The following ABHD12 variants were observed in gnomAD, a reference collection of about 807,000 sequenced individuals.
ABHD12 encodes lysophosphatidylserine lipase ABHD12.
Under a neutral mutation model 58.3 loss-of-function variants are expected in ABHD12, and 43 were observed. The ratio of observed to expected loss-of-function variants is 0.74; its 90% CI spans 0.58 to 0.95. The LOEUF is 0.95. Among genes scored for constraint, ABHD12 ranks in the 40% least tolerant of loss-of-function variants. The pLI is 0.00. For missense variants in ABHD12, 539 were observed against 537.2 expected, an observed-to-expected ratio of 1.00 and a Z score of -0.03; for synonymous variants, 219 against 211.2, an observed-to-expected ratio of 1.04 and a Z score of -0.32.
At chr20:25,370,140 A>G (rs1423068036) in intron 1 of ABHD12, among the ~76,000 whole-genome samples, 1 of 152,144 alleles carries the variant, frequency 6.6e-6, no homozygotes, top group Admixed American at 6.5e-5. Flanking sequence ...AAAGCTTTCA[A>G]TGCCTTGGGG....
chr20:25,296,542 G>A (rs748510041), downstream of ABHD12: 11 of 1,596,664 alleles, frequency 6.9e-6, no homozygotes, highest in Non-Finnish European at 9.4e-6. Context: ...GCCTTGGCGG[G>A]ACCAGCGGGC....
At chr20:25,381,229 G>A (rs534221328) in intron 1 of ABHD12, among the ~76,000 whole-genome samples, 1 of 152,268 alleles carries the variant, frequency 6.6e-6, no homozygotes, top group South Asian at 2.1e-4. Context: ...CACCCAGACT[G>A]TGCACACACA....
At chr20:25,389,883 G>A (rs1268201791) in intron 1 of ABHD12, 2 of 152,236 alleles carry the variant, frequency 1.3e-5, no homozygotes, top group Non-Finnish European at 2.9e-5. Context: ...CTTCCCCAAA[G>A]GTCCCCGAGT....
chr20:25,330,273 C>T (rs1304020019), intron 2 of ABHD12, among the ~76,000 whole-genome samples: 2 of 152,260 alleles, frequency 1.3e-5, no homozygotes, highest in Non-Finnish European at 2.9e-5. Flanking sequence ...AAAAACGGCA[C>T]AACAGGAGAT....
chr20:25,334,503 C>T (rs1173536319), intron 2 of ABHD12, among the ~76,000 whole-genome samples: 2 of 152,046 alleles, frequency 1.3e-5, no homozygotes, highest in East Asian at 3.8e-4. Context: ...CCAAGTCAAT[C>T]CTAAGCCAAA....
chr20:25,312,344 G>A (rs1388526523), intron 6 of ABHD12, among the ~76,000 whole-genome samples: 1 of 152,114 alleles, frequency 6.6e-6, no homozygotes, highest in African/African-American at 2.4e-5. Flanking sequence ...ATGCCTGACT[G>A]GTTTTCGTAT....
chr20:25,357,451 C>G (rs2089683199), intron 1 of ABHD12, among the ~76,000 whole-genome samples: 1 of 152,150 alleles, frequency 6.6e-6, no homozygotes, highest in Non-Finnish European at 1.5e-5. Context: ...TTTGGATGCT[C>G]AAGAAGTATT....
At chr20:25,359,380 C>T (rs1326015464) in intron 1 of ABHD12, among the ~76,000 whole-genome samples, 4 of 141,228 alleles carry the variant, frequency 2.8e-5, no homozygotes, top group South Asian at 4.6e-4. Flanking sequence ...GCCGAGATTG[C>T]GCCACTGCAC....
Position 25,300,843 on chromosome 20 carries a change from G to A in ABHD12, c.*2C>T, listed in dbSNP as rs1276375815. 3 of 1,614,084 alleles carry A rather than the reference G, an allele frequency of 1.9e-6. No individual in the cohort carries two copies. Among genetic ancestry groups the A allele is most frequent in the Non-Finnish European group, 1.7e-6 (2 of 1,179,998 alleles). On this transcript the variant is annotated 3_prime_UTR_variant, in exon 13 of 13. Coordinates refer to ENST00000339157, the MANE Select transcript of ABHD12 (RefSeq NM_001042472.3). The stretch of plus-strand genomic sequence containing the variant: ...CTTCATGCTTCCTTCCCACGGCCAG[G>A]CTCAGTGCTGGTGCTCAGGCTCCGA...
At chr20:25,331,608 C>T (rs1472644736) in intron 2 of ABHD12, among the ~76,000 whole-genome samples, 3 of 152,084 alleles carry the variant, frequency 2.0e-5, no homozygotes, top group African/African-American at 4.8e-5. Flanking sequence ...GCAGACCTCT[C>T]GGCAGAAACT....
intron 1 of ABHD12, among the ~76,000 whole-genome samples, chr20:25,342,454 ATTTTTT>A (rs11477444): frequency 7.0e-6 from 1 of 142,322 alleles, no homozygotes; most frequent in African/African-American, 2.6e-5. Flanking sequence ...CAGATACCAC[ATTTTTT>A]TTTTTTTTTT....
chr20:25,344,355 C>T (rs1600829794), intron 1 of ABHD12, among the ~76,000 whole-genome samples: 1 of 152,126 alleles, frequency 6.6e-6, no homozygotes, highest in Non-Finnish European at 1.5e-5. Context: ...TTCCAGGATA[C>T]GAGGTTAATA....
intron 12 of ABHD12, 29 bp from the exon 13 acceptor site, chr20:25,300,913 C>T: frequency 6.2e-7 from 1 of 1,608,660 alleles, no homozygotes; most frequent in Non-Finnish European, 8.5e-7. Flanking sequence ...AGGAGCCAAT[C>T]ATTTGAGCTC....
chr20:25,315,714 T>G (rs543250176), intron 5 of ABHD12, among the ~76,000 whole-genome samples: 2 of 152,286 alleles, frequency 1.3e-5, no homozygotes, highest in South Asian at 4.1e-4. Flanking sequence ...TCATTTCTTT[T>G]AACAGAAAAC....
At chr20:25,379,687 T>C (rs147734747) in intron 1 of ABHD12, among the ~76,000 whole-genome samples, 198 of 152,322 alleles carry the variant, frequency 1.3e-3, no homozygotes, top group South Asian at 3.9e-3. Flanking sequence ...ATCAATATAA[T>C]AGGCTGCTTG....
At chr20:25,295,581 C>T (rs200945939), downstream of ABHD12, 43 of 1,610,986 alleles carry the variant, frequency 2.7e-5, no homozygotes, top group African/African-American at 4.9e-4. Context: ...TGCCCTGGCC[C>T]AGCCTCCTTT....
chr20:25,315,087 C>A, intron 5 of ABHD12, 117 bp from the exon 6 acceptor site: 1 of 1,077,288 alleles, frequency 9.3e-7, no homozygotes. Context: ...GTAGTGGCAG[C>A]TTCATAAAGA....
chr20:25,297,517 C>G (rs2145908727), downstream of ABHD12: 1 of 152,484 alleles, frequency 6.6e-6, no homozygotes, highest in Non-Finnish European at 1.5e-5. Context: ...ACAGCCTCGT[C>G]TGGAAAAAGG....
intron 4 of ABHD12, among the ~76,000 whole-genome samples, chr20:25,318,830 G>A (rs567852392): frequency 3.3e-4 from 51 of 152,308 alleles, no homozygotes; most frequent in African/African-American, 1.2e-3. Flanking sequence ...AGACAAAGAA[G>A]AAAGGAAACT....
Sources: allele counts gnomAD v4.1 joint callset (sites outside exome capture counted in the v4.1 genomes callset), GRCh38; gene constraint gnomAD v4.1.1; transcripts MANE v1.5; gene names NCBI Gene and HGNC (gene_info 2026-07-23, HGNC 2026-07-21).